SCYL2: variants seen among roughly 807,000 people sequenced by gnomAD.
The protein encoded by SCYL2 is SCY1-like protein 2.
SCYL2 carries 36 observed loss-of-function variants against 100.4 expected under a neutral mutation model. The ratio of observed to expected loss-of-function variants is 0.36; its 90% CI spans 0.27 to 0.47. The LOEUF (loss-of-function observed/expected upper bound fraction) is 0.47. Ranked by LOEUF, SCYL2 falls within the 20% of genes least tolerant of loss-of-function variation. The pLI is 1.00. For synonymous variants in SCYL2, 330 were observed against 359.2 expected, an observed-to-expected ratio of 0.92 and a Z score of 0.92; for missense variants, 902 against 1,083.9, an observed-to-expected ratio of 0.83 and a Z score of 2.36.
chr12:100,278,934 A>C (rs987931838), intron 1 of SCYL2, among the ~76,000 whole-genome samples: 2 of 152,036 alleles, frequency 1.3e-5, no homozygotes, highest in Non-Finnish European at 2.9e-5. Context: ...GGCCAGTCTG[A>C]GGAAATTCTT....
At chr12:100,293,184 C>T (rs982497028) in intron 3 of SCYL2, among the ~76,000 whole-genome samples, 17 of 149,830 alleles carry the variant, frequency 1.1e-4, no homozygotes, top group Admixed American at 7.3e-4. Flanking sequence ...CTTGGACTCC[C>T]GAGCTTGTGT....
chr12:100,273,501 A>T (rs892768276), intron 1 of SCYL2, among the ~76,000 whole-genome samples: 1 of 152,164 alleles, frequency 6.6e-6, no homozygotes, highest in Non-Finnish European at 1.5e-5. Context: ...ATGGTATCAG[A>T]TACATAGTGG....
chr12:100,286,513 A>G (rs2096304599), intron 2 of SCYL2, among the ~76,000 whole-genome samples: 1 of 152,062 alleles, frequency 6.6e-6, no homozygotes, highest in African/African-American at 2.4e-5. Flanking sequence ...AGTTGGCTTT[A>G]AAAGTTGTAT....
At position 100,338,558 on chromosome 12, in the gene SCYL2, A is replaced by G; in HGVS notation, c.2176A>G (p.Asn726Asp). 1 of 1,612,084 alleles carries G rather than the reference A, an allele frequency of 6.2e-7. No individual in the cohort carries two copies. Among genetic ancestry groups the G allele is most frequent in the Non-Finnish European group, 8.5e-7 (1 of 1,178,806 alleles). Residue 726 changes from asparagine to aspartate, a missense_variant, in exon 18 of 18, where the codon AAT (asparagine) becomes GAT (aspartate). Asn to Asp is a conservative substitution (Grantham distance 23, BLOSUM62 1). Coordinates refer to ENST00000360820, the MANE Select transcript of SCYL2 (RefSeq NM_017988.6). ...TKDLTDTLMDNMSSLTSLSVS... is the reference protein window; with the variant it reads ...TKDLTDTLMDDMSSLTSLSVS... ...GGACTTGACAGACACACTGATGGAT[A>G]ATATGTCATCCTTGACCAGCCTTTC... is the stretch of plus-strand genomic sequence containing the variant.
chr12:100,286,670 C>T (rs547837663), intron 2 of SCYL2, among the ~76,000 whole-genome samples: 28 of 152,106 alleles, frequency 1.8e-4, no homozygotes, highest in African/African-American at 4.3e-4. Flanking sequence ...CTCTACCAAA[C>T]GTTGGGTTGG....
chr12:100,311,531 A>G (rs753427694), intron 5 of SCYL2, among the ~76,000 whole-genome samples: 45 of 152,244 alleles, frequency 3.0e-4, no homozygotes, highest in Admixed American at 1.7e-3. Context: ...TAGGGAGCAT[A>G]ATAATAGCAG....
At position 100,303,381 on chromosome 12, in the gene SCYL2, G is replaced by C. The variant is rs182906932; in HGVS notation, c.480+5206G>C. Among the ~76,000 whole-genome samples the C allele has an allele frequency of 2.6e-3, 395 of 152,220 alleles. 2 individuals are homozygous for C. The highest frequency in any genetic ancestry group is 4.3e-3 in the Non-Finnish European group (291 of 68,008). On this transcript the variant is annotated intron_variant, in intron 4 of 17. Coordinates refer to ENST00000360820, the MANE Select transcript of SCYL2 (RefSeq NM_017988.6). Reference sequence around the variant, plus strand: ...GGCACTGTTTTTTCCTCATCTTCATGGATTTATCTACCTTTGGTCTTTGAT... The same window carrying C: ...GGCACTGTTTTTTCCTCATCTTCATCGATTTATCTACCTTTGGTCTTTGAT...
At chr12:100,291,365 A>G in intron 2 of SCYL2, 138 bp from the exon 3 acceptor site, 1 of 589,900 alleles carries the variant, frequency 1.7e-6, no homozygotes, top group Non-Finnish European at 2.9e-6. Context: ...TCATAAGGAA[A>G]CCAACTCTTT....
intron 2 of SCYL2, among the ~76,000 whole-genome samples, chr12:100,289,281 T>C (rs1447022172): frequency 6.6e-6 from 1 of 152,206 alleles, no homozygotes; most frequent in Admixed American, 6.5e-5. Context: ...GTGTTTTGCT[T>C]TGGTGTTCCG....
At chr12:100,308,283 T>C (rs959049674) in intron 4 of SCYL2, among the ~76,000 whole-genome samples, 2 of 152,158 alleles carry the variant, frequency 1.3e-5, no homozygotes, top group Non-Finnish European at 2.9e-5. Context: ...GTGGCACATA[T>C]ACACCATGGA....
At chr12:100,281,019 GTTTTTTTTTTTTTTTT>G (rs202048587) in intron 1 of SCYL2, among the ~76,000 whole-genome samples, 19 of 50,494 alleles carry the variant, frequency 3.8e-4, no homozygotes, top group African/African-American at 1.1e-3. Context: ...TACCATCAGT[GTTTTTTTTTTTTTTTT>G]TTTTTTTTTT....
chr12:100,288,671 A>G (rs1238351641), intron 2 of SCYL2, among the ~76,000 whole-genome samples: 1 of 151,912 alleles, frequency 6.6e-6, no homozygotes. Flanking sequence ...CCTCGTCTCT[A>G]CAAAAAAATT....
At chr12:100,317,763 GA>G (rs751573865) in intron 9 of SCYL2, 39 bp from the exon 10 acceptor site, 5 of 1,558,680 alleles carry the variant, frequency 3.2e-6, no homozygotes, top group Non-Finnish European at 3.4e-6. Flanking sequence ...ATCTTTTAAA[GA>G]TTCCAGGTTT....
chr12:100,329,271 G>T lies in SCYL2; in HGVS notation c.1713G>T (p.Leu571Phe). The stretch of plus-strand genomic sequence containing the variant: ...AAGAGCAGCTGGCCGGAAAAGTGTT[G>T]CCTCATCTTATTCCCCTGAGTATTG... ...ITKEQLAGKV[L>F]PHLIPLSIEN... is the part of the protein sequence containing the mutation. Residue 571 changes from leucine to phenylalanine, a missense_variant, in exon 13 of 18, where the codon TTG becomes TTT. By Grantham distance (22) the Leu-to-Phe change is conservative (BLOSUM62 0). Coordinates refer to ENST00000360820, the MANE Select transcript of SCYL2 (RefSeq NM_017988.6). 1 of 1,607,530 alleles carries T rather than the reference G, an allele frequency of 6.2e-7. No individual in the cohort carries two copies. The highest frequency in any genetic ancestry group is 8.5e-7 in the Non-Finnish European group (1 of 1,174,262).
chr12:100,303,162 G>T (rs897032696), intron 4 of SCYL2, among the ~76,000 whole-genome samples: 1 of 151,952 alleles, frequency 6.6e-6, no homozygotes, highest in Non-Finnish European at 1.5e-5. Flanking sequence ...CTTTTTCAAG[G>T]TTCCTAGCTT....
intron 13 of SCYL2, among the ~76,000 whole-genome samples, chr12:100,331,818 A>G (rs1407992999): frequency 6.6e-6 from 1 of 152,172 alleles, no homozygotes; most frequent in African/African-American, 2.4e-5. Context: ...CTGATTTAAG[A>G]TGATTTAAAT....
chr12:100,281,811 G>T (rs952114123), intron 1 of SCYL2, among the ~76,000 whole-genome samples: 2 of 149,562 alleles, frequency 1.3e-5, no homozygotes, highest in African/African-American at 2.5e-5. Flanking sequence ...TCCAGCCTGG[G>T]TGACAGAGCT....
intron 10 of SCYL2, among the ~76,000 whole-genome samples, chr12:100,320,586 A>AAATAAAT (rs1555320955): frequency 0.03 from 4,451 of 147,352 alleles, 84 homozygotes; most frequent in African/African-American, 0.055. Flanking sequence ...ATAAATAAAT[A>AAATAAAT]AATAAATAAA....
intron 4 of SCYL2, among the ~76,000 whole-genome samples, chr12:100,303,649 A>G (rs1483923249): frequency 4.6e-5 from 7 of 152,270 alleles, no homozygotes; most frequent in African/African-American, 1.7e-4. Flanking sequence ...CTAGAGAGGC[A>G]CCTGCCAGAT....
Sources: allele counts gnomAD v4.1 joint callset (sites outside exome capture counted in the v4.1 genomes callset), GRCh38; gene constraint gnomAD v4.1.1; transcripts MANE v1.5; gene names NCBI Gene and HGNC (gene_info 2026-07-23, HGNC 2026-07-21).